FTCDNL1: variants seen among roughly 807,000 people sequenced by gnomAD.
FTCDNL1 encodes formiminotransferase cyclodeaminase N-terminal like, also known as formiminotransferase N-terminal subdomain-containing protein.
Under a neutral mutation model 5.9 loss-of-function variants are expected in FTCDNL1, and 11 were observed. The observed-to-expected ratio is 1.87, with a 90% CI of 1.18 to 3.10. The LOEUF is 3.10. FTCDNL1 is among the 30% of genes most tolerant of loss of function. The probability of loss-of-function intolerance (pLI) is 0.00; values close to 1 mark genes in which losing one functional copy is unlikely to be tolerated. For missense variants in FTCDNL1, 115 were observed against 65.5 expected, an observed-to-expected ratio of 1.76 and a Z score of -2.61; for synonymous variants, 58 against 24.8, an observed-to-expected ratio of 2.34 and a Z score of -3.99.
the FTCDNL1 span, among the ~76,000 whole-genome samples, chr2:199,730,619 A>C: frequency 7.9e-5 from 12 of 152,362 alleles, no homozygotes; most frequent in African/African-American, 2.9e-4. Flanking sequence ...TCATTAGAGA[A>C]ATGCAAATCA....
At chr2:199,700,281 G>A in the FTCDNL1 span, among the ~76,000 whole-genome samples, 3 of 152,024 alleles carry the variant, frequency 2.0e-5, no homozygotes, top group African/African-American at 7.2e-5. Context: ...GCTAAATCAA[G>A]AATACAATCC....
At chr2:199,714,147 T>C in the FTCDNL1 span, among the ~76,000 whole-genome samples, 2 of 152,304 alleles carry the variant, frequency 1.3e-5, no homozygotes, top group African/African-American at 4.8e-5. Flanking sequence ...AAAATACTGA[T>C]ATGTTTATGT....
the FTCDNL1 span, among the ~76,000 whole-genome samples, chr2:199,719,462 T>G: frequency 6.6e-6 from 1 of 152,342 alleles, no homozygotes; most frequent in South Asian, 2.1e-4. Context: ...GTAAATGCGA[T>G]ACCTTAAACT....
chr2:199,828,046 C>A (rs1227183455), intron 3 of FTCDNL1, among the ~76,000 whole-genome samples: 1 of 152,104 alleles, frequency 6.6e-6, no homozygotes, highest in African/African-American at 2.4e-5. Context: ...CAGTACAATA[C>A]CCTCTTCATA....
At chr2:199,759,156 C>T (rs538808359), downstream of FTCDNL1, among the ~76,000 whole-genome samples, 4 of 147,182 alleles carry the variant, frequency 2.7e-5, no homozygotes, top group South Asian at 4.3e-4. Context: ...TATATATATA[C>T]ACATATGTAT....
At chr2:199,744,178 C>G in the FTCDNL1 span, among the ~76,000 whole-genome samples, 1 of 152,142 alleles carries the variant, frequency 6.6e-6, no homozygotes, top group Admixed American at 6.5e-5. Flanking sequence ...CAGAGATGCC[C>G]CCTCCGTGCT....
At chr2:199,780,334 A>G (rs770216582) in intron 3 of FTCDNL1, among the ~76,000 whole-genome samples, 3 of 152,052 alleles carry the variant, frequency 2.0e-5, no homozygotes, top group African/African-American at 4.8e-5. Context: ...CTCTGTTAAG[A>G]GCTGTGTTCT....
chr2:199,674,224 G>A, the FTCDNL1 span, among the ~76,000 whole-genome samples: 1 of 152,092 alleles, frequency 6.6e-6, no homozygotes. Flanking sequence ...GGTCATCAGG[G>A]AATTGGTAAA....
chr2:199,789,033 AAAG>A (rs1699795268), intron 3 of FTCDNL1, among the ~76,000 whole-genome samples: 1 of 152,020 alleles, frequency 6.6e-6, no homozygotes, highest in East Asian at 1.9e-4. Flanking sequence ...GAAAAAAAAA[AAAG>A]AAGTCACTAG....
At chr2:199,686,556 G>A in the FTCDNL1 span, among the ~76,000 whole-genome samples, 43 of 152,176 alleles carry the variant, frequency 2.8e-4, no homozygotes, top group East Asian at 8.3e-3. Context: ...TTGATTAGAA[G>A]AATATATTAT....
At chr2:199,807,685 T>C (rs1245873984), downstream of FTCDNL1, among the ~76,000 whole-genome samples, 3 of 152,218 alleles carry the variant, frequency 2.0e-5, no homozygotes, top group Non-Finnish European at 2.9e-5. Context: ...TTTTTGCTTT[T>C]TAATGGATAG....
the FTCDNL1 span, among the ~76,000 whole-genome samples, chr2:199,686,803 T>C: frequency 6.6e-6 from 1 of 152,186 alleles, no homozygotes; most frequent in Non-Finnish European, 1.5e-5. Context: ...CAATATACTA[T>C]GCAAGTGCTC....
the FTCDNL1 span, among the ~76,000 whole-genome samples, chr2:199,741,191 G>C: frequency 6.6e-6 from 1 of 152,162 alleles, no homozygotes; most frequent in Non-Finnish European, 1.5e-5. Context: ...CAGGAGGATC[G>C]CTTGAGGCCA....
chr2:199,739,303 G>A, the FTCDNL1 span, among the ~76,000 whole-genome samples: 2 of 152,192 alleles, frequency 1.3e-5, no homozygotes. Context: ...CGGAATCGGG[G>A]TGCTCTTATC....
downstream of FTCDNL1, among the ~76,000 whole-genome samples, chr2:199,759,715 C>A (rs1023459622): frequency 6.6e-6 from 1 of 152,174 alleles, no homozygotes; most frequent in African/African-American, 2.4e-5. Flanking sequence ...AGATACCCTG[C>A]CTTTAAATAT....
At chr2:199,826,488 CAA>C (rs35457727) in intron 3 of FTCDNL1, among the ~76,000 whole-genome samples, 22,457 of 121,268 alleles carry the variant, frequency 0.19, 1,922 homozygotes, top group Admixed American at 0.29. Context: ...ATTTCTCAGT[CAA>C]AAAAAAAAAA....
chr2:199,836,304 A>G (rs1398254132), intron 3 of FTCDNL1, among the ~76,000 whole-genome samples: 2 of 152,124 alleles, frequency 1.3e-5, no homozygotes, highest in African/African-American at 4.8e-5. Flanking sequence ...AACTAAGACT[A>G]CAGGCACGCA....
At chr2:199,830,002 G>C (rs557859936) in intron 3 of FTCDNL1, among the ~76,000 whole-genome samples, 1 of 151,406 alleles carries the variant, frequency 6.6e-6, no homozygotes, top group Non-Finnish European at 1.5e-5. Context: ...ATCAAAAAGA[G>C]CATTTTCCAA....
chr2:199,824,156 G>A (rs191999941), intron 3 of FTCDNL1, among the ~76,000 whole-genome samples: 1 of 152,298 alleles, frequency 6.6e-6, no homozygotes, highest in African/African-American at 2.4e-5. Context: ...AGGCTCCTGG[G>A]TAACTTGTTG....
Sources: gnomAD v4.1 joint callset for allele counts (sites outside exome capture counted in the v4.1 genomes callset) on GRCh38, gnomAD v4.1.1 for gene constraint, MANE v1.5 for transcripts, NCBI Gene and HGNC (gene_info 2026-07-23, HGNC 2026-07-21) for gene names.